Variants in RGSL1 observed in about 807,000 individuals in gnomAD.
RGSL1 encodes regulator of G protein signaling like 1, also known as regulator of G protein signaling protein-like.
Under a neutral mutation model 124.7 loss-of-function variants are expected in RGSL1, and 97 were observed. That is an observed-to-expected ratio of 0.78 (90% confidence interval 0.66 to 0.92). The LOEUF (loss-of-function observed/expected upper bound fraction) is 0.92, where lower values mean the gene tolerates loss of function less well. Ranked by LOEUF, RGSL1 falls within the 40% of genes least tolerant of loss-of-function variation. The pLI is 0.00. For missense variants in RGSL1, 1,233 were observed against 1,288.4 expected, an observed-to-expected ratio of 0.96 and a Z score of 0.66; for synonymous variants, 424 against 438.1, an observed-to-expected ratio of 0.97 and a Z score of 0.40.
chr1:182,534,666 A>G (rs1348339117), intron 14 of RGSL1, among the ~76,000 whole-genome samples: 5 of 152,058 alleles, frequency 3.3e-5, no homozygotes, highest in African/African-American at 1.2e-4. Flanking sequence ...CATCTCTACT[A>G]AAATACAAAA....
intron 6 of RGSL1, among the ~76,000 whole-genome samples, chr1:182,484,996 T>C (rs565240116): frequency 3.3e-5 from 5 of 152,194 alleles, no homozygotes; most frequent in African/African-American, 1.2e-4. Context: ...AGCACGGTAG[T>C]CTTGCAGGCC....
chr1:182,535,404 T>C (rs936169808), intron 14 of RGSL1, among the ~76,000 whole-genome samples: 2 of 152,108 alleles, frequency 1.3e-5, no homozygotes, highest in African/African-American at 4.8e-5. Flanking sequence ...ACAGAAGCAA[T>C]CAAAAGAGGA....
intron 6 of RGSL1, among the ~76,000 whole-genome samples, chr1:182,475,834 A>G (rs1323114056): frequency 6.6e-6 from 1 of 152,232 alleles, no homozygotes; most frequent in African/African-American, 2.4e-5. Flanking sequence ...GAGCAAATAG[A>G]TAAAAAACAT....
intron 2 of RGSL1, among the ~76,000 whole-genome samples, chr1:182,454,801 C>T (rs1162277862): frequency 1.3e-5 from 2 of 152,200 alleles, no homozygotes; most frequent in Non-Finnish European, 2.9e-5. Context: ...TCAAAGTATT[C>T]TTAAACTCAA....
In RGSL1 at chr1:182,556,097, G is replaced by A. The variant is rs964699719; in HGVS notation, c.*40G>A. 6.5e-7 allele frequency: 1 copy of A among 1,536,056 alleles called. No homozygotes were observed. Reference sequence around the variant, plus strand: ...CAGCAGAGATAAATCATCTCTTAGAGGCCTCCTAACACTGACAGAAACTTT... The same window carrying A: ...CAGCAGAGATAAATCATCTCTTAGAAGCCTCCTAACACTGACAGAAACTTT... On this transcript the variant is annotated 3_prime_UTR_variant, in exon 21 of 22. Transcript: ENST00000294854.
chr1:182,471,865 C>T (rs566098488), intron 4 of RGSL1, among the ~76,000 whole-genome samples: 6 of 152,250 alleles, frequency 3.9e-5, no homozygotes, highest in Admixed American at 3.9e-4. Flanking sequence ...TTCATCCAGG[C>T]CTTAGCCCTA....
At chr1:182,514,652 A>C (rs1206042969) in intron 9 of RGSL1, among the ~76,000 whole-genome samples, 1 of 152,102 alleles carries the variant, frequency 6.6e-6, no homozygotes, top group African/African-American at 2.4e-5. Context: ...AACCAAATTC[A>C]CCAGGCATCT....
At chr1:182,491,190 C>T (rs539713494) in intron 8 of RGSL1, among the ~76,000 whole-genome samples, 11 of 151,874 alleles carry the variant, frequency 7.2e-5, no homozygotes, top group African/African-American at 1.4e-4. Flanking sequence ...GCCTAGCCTA[C>T]GTATGGTACT....
intron 15 of RGSL1, among the ~76,000 whole-genome samples, chr1:182,543,767 T>G (rs983291062): frequency 6.6e-6 from 1 of 152,050 alleles, no homozygotes; most frequent in Non-Finnish European, 1.5e-5. Context: ...ACCTGGTAGT[T>G]TTTATGCGTC....
At chr1:182,523,596 G>C (rs542672815) in intron 10 of RGSL1, among the ~76,000 whole-genome samples, 2 of 152,242 alleles carry the variant, frequency 1.3e-5, no homozygotes, top group South Asian at 4.1e-4. Context: ...AGTCCTAGAA[G>C]ACATATCAGG....
At chr1:182,532,821 C>T (rs760900940) in intron 14 of RGSL1, 30 bp downstream of exon 14, 73 of 1,539,882 alleles carry the variant, frequency 4.7e-5, no homozygotes, top group Non-Finnish European at 5.6e-5. Context: ...ACCCCCACTC[C>T]CTGTTGATAT....
At chr1:182,462,199 A>T (rs780271618) in intron 4 of RGSL1, among the ~76,000 whole-genome samples, 108 of 152,358 alleles carry the variant, frequency 7.1e-4, no homozygotes, top group Non-Finnish European at 1.4e-3. Flanking sequence ...TCCAGCAGGC[A>T]GTAGGTTGAT....
chr1:182,553,355 C>A, intron 18 of RGSL1, 100 bp from the exon 19 acceptor site: 1 of 805,940 alleles, frequency 1.2e-6, no homozygotes, highest in South Asian at 1.7e-5. Flanking sequence ...ATTTTGTAAT[C>A]TAAGTGTGTT....
intron 6 of RGSL1, among the ~76,000 whole-genome samples, chr1:182,479,899 A>T (rs924489809): frequency 1.1e-4 from 17 of 152,260 alleles, no homozygotes; most frequent in African/African-American, 3.9e-4. Context: ...AAGTTATTAT[A>T]CAATGATAAA....
At chr1:182,506,742 A>AC (rs1436943565) in intron 9 of RGSL1, among the ~76,000 whole-genome samples, 2 of 152,110 alleles carry the variant, frequency 1.3e-5, no homozygotes, top group African/African-American at 2.4e-5. Flanking sequence ...ATGCTACCTT[A>AC]CCATTTTAAG....
chr1:182,504,802 G>C (rs894167447), intron 9 of RGSL1, among the ~76,000 whole-genome samples: 24 of 152,048 alleles, frequency 1.6e-4, no homozygotes, highest in African/African-American at 5.8e-4. Flanking sequence ...ATAAATTACC[G>C]GTCTTTGTAG....
At chr1:182,519,730 C>CT (rs1306969899) in intron 9 of RGSL1, among the ~76,000 whole-genome samples, 1 of 151,820 alleles carries the variant, frequency 6.6e-6, no homozygotes, top group African/African-American at 2.4e-5. Context: ...ATTTCGTATA[C>CT]TTTTTTCTGT....
rs1457033238 is a variant in RGSL1, at chr1:182,489,054, T to C, written c.1569T>C (p.Tyr523=). 3.2e-6 allele frequency: 5 copies of C among 1,551,620 alleles called. No individual in the cohort carries two copies. Among genetic ancestry groups the C allele is most frequent in the Non-Finnish European group, 4.4e-6 (5 of 1,146,992 alleles). Residue 523 remains tyrosine (Y), a synonymous_variant, in exon 8 of 22, where the codon TAT becomes TAC. Transcript: ENST00000294854. Reference sequence around the variant, plus strand: ...GCAAAGAAGAGAACATTCTTCTTTATAAGAGGATTCAGCAGTCTCTAGAGT... The same window carrying C: ...GCAAAGAAGAGAACATTCTTCTTTACAAGAGGATTCAGCAGTCTCTAGAGT... ...FIGKEENILL[Y]KRIQQSLELS...
chr1:182,500,984 T>C (rs965840692), intron 9 of RGSL1, among the ~76,000 whole-genome samples: 3 of 152,210 alleles, frequency 2.0e-5, no homozygotes, highest in African/African-American at 7.2e-5. Context: ...ATTTTTCTTT[T>C]CTTTTCTTGC....
Sources: allele counts gnomAD v4.1 joint callset (sites outside exome capture counted in the v4.1 genomes callset), GRCh38; gene constraint gnomAD v4.1.1; transcripts MANE v1.5; gene names NCBI Gene and HGNC (gene_info 2026-07-23, HGNC 2026-07-21).